Variants in KLHDC2 observed in about 807,000 individuals in gnomAD.
KLHDC2 encodes kelch domain containing 2.
A neutral mutation model predicts 62.3 loss-of-function variants in KLHDC2; 38 were observed. That is an observed-to-expected ratio of 0.61 (90% CI 0.47 to 0.80). The LOEUF (loss-of-function observed/expected upper bound fraction) is 0.80, where lower values mean the gene tolerates loss of function less well. Ranked by LOEUF, KLHDC2 falls within the 30% of genes least tolerant of loss-of-function variation. The pLI is 0.00. For missense variants in KLHDC2, 430 were observed against 495.3 expected, an observed-to-expected ratio of 0.87 and a Z score of 1.25; for synonymous variants, 159 against 161.0, an observed-to-expected ratio of 0.99 and a Z score of 0.09.
chr14:49,780,348 G>T, intron 9 of KLHDC2, 26 bp downstream of exon 9: 13 of 1,326,718 alleles, frequency 9.8e-6, no homozygotes, highest in Non-Finnish European at 1.4e-5. Flanking sequence ...ATATGATAAT[G>T]AAATCATCAT....
chr14:49,775,506 T>A (rs1889751656), intron 3 of KLHDC2, among the ~76,000 whole-genome samples: 2 of 152,154 alleles, frequency 1.3e-5, no homozygotes. Context: ...ACATTGTATT[T>A]GGTGGGATGA....
Position 49,768,270 on chromosome 14 carries a change from C to T in KLHDC2, c.-199C>T. The T allele has an allele frequency of 1.9e-6, 1 of 529,874 alleles. No individual in the cohort carries two copies. Among genetic ancestry groups the T allele is most frequent in the Non-Finnish European group, 3.2e-6 (1 of 314,136 alleles). The allele number at this position is 529,874 out of a possible 1,614,324, so 32.8% of individuals were successfully genotyped here. On this transcript the variant is annotated 5_prime_UTR_variant, in exon 1 of 13. Transcript: ENST00000298307. ...CGCGGCCCCTCTGTCTGCAGGCGTG[C>T]CCCGGCGGCGGCGGAGAGCCGTCCT...
At chr14:49,768,793 C>A in intron 1 of KLHDC2, 172 bp downstream of exon 1, 1 of 607,250 alleles carries the variant, frequency 1.6e-6, no homozygotes, top group Non-Finnish European at 2.7e-6. Context: ...GGGAATCTTC[C>A]TTCTCTCGAG....
At chr14:49,768,865 AACTC>A (rs1187409806) in intron 1 of KLHDC2, 1 of 478,164 alleles carries the variant, frequency 2.1e-6, no homozygotes, top group East Asian at 3.7e-5. Flanking sequence ...TCACAAAGCC[AACTC>A]ACTCCCACCC....
At chr14:49,778,975 G>A (rs1254257669) in intron 6 of KLHDC2, among the ~76,000 whole-genome samples, 3 of 152,086 alleles carry the variant, frequency 2.0e-5, no homozygotes, top group East Asian at 1.9e-4. Flanking sequence ...TGCCCACCTC[G>A]GCCTCCCAAA....
intron 2 of KLHDC2, among the ~76,000 whole-genome samples, chr14:49,774,345 A>G (rs931150875): frequency 6.6e-6 from 1 of 152,224 alleles, no homozygotes; most frequent in Admixed American, 6.5e-5. Context: ...ATGCCTGTAC[A>G]CATGGGGCCA....
chr14:49,777,864 C>T lies in KLHDC2; in HGVS notation c.377C>T (p.Thr126Ile), dbSNP rs1212409451. Residue 126 changes from threonine (T) to isoleucine (I), a missense_variant, in exon 4 of 13, where the codon ACA becomes ATA. Physicochemically the swap from Thr to Ile is moderately conservative, Grantham distance 89. Transcript: ENST00000298307. Reference sequence around the variant, plus strand: ...TTCTACATGCTGGATTCAAGGTCTACAGACAGAGTGTTACAGTGGGAAAGA... The same window carrying T: ...TTCTACATGCTGGATTCAAGGTCTATAGACAGAGTGTTACAGTGGGAAAGA... ...NKFYMLDSRS[T>I]DRVLQWERID... 6 of 1,604,316 alleles carry T rather than the reference C, an allele frequency of 3.7e-6. No homozygotes were observed. Among genetic ancestry groups the T allele is most frequent in the East Asian group, 2.2e-5 (1 of 44,704 alleles).
intron 10 of KLHDC2, among the ~76,000 whole-genome samples, chr14:49,781,366 T>C (rs1889897870): frequency 2.0e-4 from 2 of 10,050 alleles, no homozygotes; most frequent in South Asian, 0.023. Context: ...TGAAACTCTG[T>C]CTCAAAAAAA....
chr14:49,776,803 TAGCTAGTCG>T (rs1158538817), intron 3 of KLHDC2, among the ~76,000 whole-genome samples: 1 of 146,638 alleles, frequency 6.8e-6, no homozygotes, highest in Non-Finnish European at 1.5e-5. Flanking sequence ...CCTGTAATCC[TAGCTAGTCG>T]GGTGGCTGAG....
intron 1 of KLHDC2, 160 bp downstream of exon 1, chr14:49,768,781 G>C (rs2139786345): frequency 1.6e-6 from 1 of 626,576 alleles, no homozygotes; most frequent in Non-Finnish European, 2.6e-6. Context: ...TTTTTTGCGC[G>C]CGGGAATCTT....
chr14:49,784,840 A>AT lies in KLHDC2; in HGVS notation c.*1891dup. 7.0e-7 allele frequency: 1 copy of AT among 1,418,584 alleles called. No individual in the cohort carries two copies. Among genetic ancestry groups the AT allele is most frequent in the Non-Finnish European group, 9.9e-7 (1 of 1,013,470 alleles). 87.9% of individuals were successfully genotyped at this position (1,418,584 alleles called of 1,614,324 possible). A position where few individuals can be genotyped will look rare whatever the true frequency, so the allele number is the denominator to read the frequency against. On this transcript the variant is annotated 3_prime_UTR_variant, in exon 13 of 13. Transcript: ENST00000298307. Reference sequence around the variant, plus strand: ...GTTTTACTGCTTCTAATAAGACAGCATTTTCTACTAAAATAACAAAAAACT... The same window carrying AT: ...GTTTTACTGCTTCTAATAAGACAGCATTTTTCTACTAAAATAACAAAAAACT...
intron 3 of KLHDC2, among the ~76,000 whole-genome samples, chr14:49,776,866 G>A (rs968741830): frequency 3.3e-5 from 5 of 151,442 alleles, no homozygotes; most frequent in Non-Finnish European, 4.4e-5. Flanking sequence ...GCAGTGAGCC[G>A]AGATCATGCC....
Position 49,784,758 on chromosome 14 carries a change from A to G in KLHDC2, c.*1805A>G. ...GAATATCTTCACATCCTGTATGGTCAATCATGTTTCTTTTATGACAAAAAC... is the reference window on the plus strand; with the variant it reads ...GAATATCTTCACATCCTGTATGGTCGATCATGTTTCTTTTATGACAAAAAC... On this transcript the variant is annotated 3_prime_UTR_variant, in exon 13 of 13. Transcript: ENST00000298307. 6.6e-7 allele frequency: 1 copy of G among 1,524,456 alleles called. No individual in the cohort carries two copies. Among genetic ancestry groups the G allele is most frequent in the Non-Finnish European group, 9.0e-7 (1 of 1,108,110 alleles). 94.4% of individuals were successfully genotyped at this position (1,524,456 alleles called of 1,614,324 possible). A position where few individuals can be genotyped will look rare whatever the true frequency, so the allele number is the denominator to read the frequency against.
chr14:49,781,088 G>T (rs890586146), intron 10 of KLHDC2, among the ~76,000 whole-genome samples: 1 of 152,082 alleles, frequency 6.6e-6, no homozygotes, highest in South Asian at 2.1e-4. Flanking sequence ...AAAAATGAGG[G>T]TCGGCCAGGC....
intron 2 of KLHDC2, among the ~76,000 whole-genome samples, chr14:49,773,751 T>C (rs1390065604): frequency 1.3e-5 from 2 of 151,612 alleles, no homozygotes; most frequent in Non-Finnish European, 2.9e-5. Flanking sequence ...TAATTTTTTG[T>C]ATTTTTAGTA....
Position 49,768,504 on chromosome 14 carries a change from C to T in KLHDC2, c.36C>T (p.Asp12=). 3 of 1,610,098 alleles carry T rather than the reference C, an allele frequency of 1.9e-6. No homozygotes were observed. Among genetic ancestry groups the T allele is most frequent in the Non-Finnish European group, 2.5e-6 (3 of 1,178,674 alleles). Reference sequence around the variant, plus strand: ...GCAACGAGGATCTGCGGGCTGACGACTTGCCTGGGCCAGCCTTCGAGAGCT... The same window carrying T: ...GCAACGAGGATCTGCGGGCTGACGATTTGCCTGGGCCAGCCTTCGAGAGCT... ...ADGNEDLRAD[D]LPGPAFESYE... The change falls in exon 1 of 13, where the codon GAC becomes GAT. Residue 12 remains aspartate, a synonymous_variant. Coordinates refer to ENST00000298307, the MANE Select transcript of KLHDC2 (RefSeq NM_014315.3).
In KLHDC2 at chr14:49,783,188, A is replaced by G. The variant is rs1333326974; in HGVS notation, c.*235A>G. On this transcript the variant is annotated 3_prime_UTR_variant, in exon 13 of 13. Transcript: ENST00000298307. ...GTAATGGTTGGGCTTTTTACCCTGA[A>G]GAATGGTTGCTACATTTTCTTTTCA... is the stretch of plus-strand genomic sequence containing the variant. The G allele has an allele frequency of 9.1e-6, 3 of 331,102 alleles. No homozygotes were observed. The highest frequency in any genetic ancestry group is 1.6e-5 in the Non-Finnish European group (3 of 184,048). The allele number at this position is 331,102 out of a possible 1,614,324, so 20.5% of individuals were successfully genotyped here.
chr14:49,783,184 C>T lies in KLHDC2; in HGVS notation c.*231C>T. ...TAAAGTAATGGTTGGGCTTTTTACC[C>T]TGAAGAATGGTTGCTACATTTTCTT... is the stretch of plus-strand genomic sequence containing the variant. On this transcript the variant is annotated 3_prime_UTR_variant, in exon 13 of 13. Transcript: ENST00000298307. 3.0e-6 allele frequency: 1 copy of T among 338,060 alleles called. No individual in the cohort carries two copies. The highest frequency in any genetic ancestry group is 5.3e-6 in the Non-Finnish European group (1 of 188,632). 20.9% of individuals were successfully genotyped at this position (338,060 alleles called of 1,614,324 possible). A position where few individuals can be genotyped will look rare whatever the true frequency, so the allele number is the denominator to read the frequency against.
At chr14:49,770,621 C>T (rs920337420) in intron 1 of KLHDC2, among the ~76,000 whole-genome samples, 1 of 152,142 alleles carries the variant, frequency 6.6e-6, no homozygotes, top group Non-Finnish European at 1.5e-5. Flanking sequence ...ATCCTGGCTC[C>T]ATCATTACTT....
Sources: allele counts gnomAD v4.1 joint callset (sites outside exome capture counted in the v4.1 genomes callset), GRCh38; gene constraint gnomAD v4.1.1; transcripts MANE v1.5; gene names NCBI Gene and HGNC (gene_info 2026-07-23, HGNC 2026-07-21).